The following RSPO2 variants were observed in gnomAD, a reference collection of about 807,000 sequenced individuals.
RSPO2 encodes R-spondin 2.
RSPO2 carries 14 observed loss-of-function variants against 30.9 expected under a neutral mutation model. That is an observed-to-expected ratio of 0.45 (90% CI 0.30 to 0.71). The LOEUF (loss-of-function observed/expected upper bound fraction) is 0.71. Among genes scored for constraint, RSPO2 ranks in the 30% least tolerant of loss-of-function variants. The pLI, the probability that RSPO2 is intolerant of heterozygous loss-of-function variation, is 0.08. For missense variants in RSPO2, 264 were observed against 301.9 expected, an observed-to-expected ratio of 0.87 and a Z score of 0.93; for synonymous variants, 107 against 96.4, an observed-to-expected ratio of 1.11 and a Z score of -0.64.
intron 2 of RSPO2, among the ~76,000 whole-genome samples, chr8:108,006,663 T>C (rs1319149250): frequency 6.6e-6 from 1 of 152,066 alleles, no homozygotes; most frequent in Non-Finnish European, 1.5e-5. Flanking sequence ...ATTTTCAATA[T>C]GTTGGGAAAA....
chr8:108,037,599 T>C (rs1811636475), intron 2 of RSPO2, among the ~76,000 whole-genome samples: 1 of 152,216 alleles, frequency 6.6e-6, no homozygotes, highest in African/African-American at 2.4e-5. Context: ...AAAAGCCTGC[T>C]ACTGGGAGAA....
At chr8:108,000,568 A>G (rs1815208651) in intron 2 of RSPO2, among the ~76,000 whole-genome samples, 1 of 152,072 alleles carries the variant, frequency 6.6e-6, no homozygotes, top group Non-Finnish European at 1.5e-5. Context: ...TCATAGGCTT[A>G]GCACCACAGA....
chr8:107,979,596 T>C (rs1814350353), intron 3 of RSPO2, among the ~76,000 whole-genome samples: 1 of 151,812 alleles, frequency 6.6e-6, no homozygotes, highest in Non-Finnish European at 1.5e-5. Flanking sequence ...AGTTAATGGG[T>C]GCAGCACAAC....
At chr8:108,005,158 G>T (rs1479031239) in intron 2 of RSPO2, among the ~76,000 whole-genome samples, 1 of 152,136 alleles carries the variant, frequency 6.6e-6, no homozygotes, top group Non-Finnish European at 1.5e-5. Context: ...GGGGGATAAT[G>T]TATGAAGTGA....
At position 108,081,048 on chromosome 8, in the gene RSPO2, C is replaced by G. The variant is rs189977475; in HGVS notation, c.94+1497G>C. 8.5e-4 allele frequency among the ~76,000 whole-genome samples: 129 copies of G among 152,162 alleles called. 1 individual carries two copies. Among genetic ancestry groups the G allele is most frequent in the Non-Finnish European group, 2.1e-4 (14 of 68,016 alleles). ...ATGGCCTTTGGGAAGAAATTTCTCTCTAGTATTTTTAAGTAAAATAATTTC... is the reference window on the plus strand; with the variant it reads ...ATGGCCTTTGGGAAGAAATTTCTCTGTAGTATTTTTAAGTAAAATAATTTC... On this transcript the variant is annotated intron_variant, in intron 2 of 5. Coordinates refer to ENST00000276659, the MANE Select transcript of RSPO2 (RefSeq NM_178565.5).
chr8:108,000,129 A>G lies in RSPO2; in HGVS notation c.95-10885T>C, dbSNP rs188549899. Among the ~76,000 whole-genome samples the G allele has an allele frequency of 9.2e-5, 14 of 152,324 alleles. No individual in the cohort carries two copies. The East Asian group carries it at 1.5e-3, about 17-fold the overall frequency. On this transcript the variant is annotated intron_variant, in intron 2 of 5. Transcript: ENST00000276659. The stretch of plus-strand genomic sequence containing the variant: ...CGATGAACTGAGGTATGGTTGCAAA[A>G]TAAATGTGGAGTCTTAGGTGGTTCT...
intron 5 of RSPO2, among the ~76,000 whole-genome samples, chr8:107,947,362 T>C (rs1813098009): frequency 1.3e-5 from 2 of 152,154 alleles, no homozygotes; most frequent in African/African-American, 4.8e-5. Context: ...AAATGGCAGA[T>C]GAAAGTAGTA....
At chr8:108,040,708 T>C (rs568013272) in intron 2 of RSPO2, among the ~76,000 whole-genome samples, 1 of 152,202 alleles carries the variant, frequency 6.6e-6, no homozygotes, top group Non-Finnish European at 1.5e-5. Flanking sequence ...GGCTGACAAA[T>C]ACAGAGGAAA....
At chr8:107,981,353 C>G (rs190890339) in intron 3 of RSPO2, among the ~76,000 whole-genome samples, 15 of 152,066 alleles carry the variant, frequency 9.9e-5, no homozygotes, top group Non-Finnish European at 1.5e-4. Context: ...ACTTCATCTC[C>G]ATTAAAAATA....
At chr8:108,066,372 C>T (rs1226773032) in intron 2 of RSPO2, among the ~76,000 whole-genome samples, 1 of 152,174 alleles carries the variant, frequency 6.6e-6, no homozygotes, top group Non-Finnish European at 1.5e-5. Flanking sequence ...TAACAGAAAA[C>T]ATTATCAGAA....
chr8:108,032,242 T>G (rs889031023), intron 2 of RSPO2, among the ~76,000 whole-genome samples: 6 of 152,114 alleles, frequency 3.9e-5, no homozygotes, highest in Admixed American at 2.0e-4. Context: ...ATCTATTGAG[T>G]CTACCAAATT....
intron 5 of RSPO2, among the ~76,000 whole-genome samples, chr8:107,909,933 C>T (rs1811769506): frequency 1.3e-5 from 2 of 152,152 alleles, no homozygotes; most frequent in Admixed American, 1.3e-4. Context: ...AAGGTAAGGA[C>T]TCAAACTGTG....
At chr8:108,052,949 G>T (rs1017376186) in intron 2 of RSPO2, among the ~76,000 whole-genome samples, 1 of 152,108 alleles carries the variant, frequency 6.6e-6, no homozygotes, top group African/African-American at 2.4e-5. Flanking sequence ...GTGCCTTTAA[G>T]TTATCTCTCT....
intron 5 of RSPO2, among the ~76,000 whole-genome samples, chr8:107,903,935 C>G (rs1811555688): frequency 6.6e-6 from 1 of 151,962 alleles, no homozygotes; most frequent in Non-Finnish European, 1.5e-5. Context: ...AAGCCCAGCT[C>G]AAAGTAGCAA....
chr8:107,988,542 TATGTGG>T (rs1814730737), intron 3 of RSPO2, among the ~76,000 whole-genome samples: 1 of 152,176 alleles, frequency 6.6e-6, no homozygotes, highest in Non-Finnish European at 1.5e-5. Context: ...ATAAAGTGTG[TATGTGG>T]AATTGTGTCT....
rs544153280 is a variant in RSPO2 at position 108,029,032 on chromosome 8, T to TTGGGTAAC, written c.95-39796_95-39789dup. On this transcript the variant is annotated intron_variant, in intron 2 of 5. Transcript: ENST00000276659. ...TGGTACTTACTAGAGCAGGGTAAACTTGGGTAACTGTTAACATGAGTCTTT... is the reference window on the plus strand; with the variant it reads ...TGGTACTTACTAGAGCAGGGTAAACTTGGGTAACTGGGTAACTGTTAACATGAGTCTTT... Among the ~76,000 whole-genome samples, 411 of 138,760 alleles carry TTGGGTAAC rather than the reference T, an allele frequency of 3.0e-3. 6 individuals are homozygous for TTGGGTAAC. Among genetic ancestry groups the TTGGGTAAC allele is most frequent in the African/African-American group, 0.01 (392 of 37,974 alleles). The allele number at this position is 138,760 out of a possible 152,430, so 91.0% of individuals were successfully genotyped here.
chr8:107,958,238 C>G lies in RSPO2; in HGVS notation c.458G>C (p.Trp153Ser), dbSNP rs1252075737. Residue 153 changes from tryptophan (W) to serine (S), a missense_variant, in exon 5 of 6, where the codon TGG (tryptophan) becomes TCG (serine). Physicochemically the swap from Trp to Ser is radical, Grantham distance 177. Coordinates refer to ENST00000276659, the MANE Select transcript of RSPO2 (RefSeq NM_178565.5). ...EGCEVGHWSE[W>S]GTCSRNNRTC... Reference sequence around the variant, plus strand: ...GCGATTATTTCTGCTACAAGTTCCCCATTCGCTCCAATGACCAACTTCACA... The same window carrying G: ...GCGATTATTTCTGCTACAAGTTCCCGATTCGCTCCAATGACCAACTTCACA... 1 of 1,613,592 alleles carries G rather than the reference C, an allele frequency of 6.2e-7. No individual in the cohort carries two copies. Among genetic ancestry groups the G allele is most frequent in the African/African-American group, 1.3e-5 (1 of 74,870 alleles).
At chr8:107,979,539 C>T (rs184443947) in intron 3 of RSPO2, among the ~76,000 whole-genome samples, 5 of 151,812 alleles carry the variant, frequency 3.3e-5, no homozygotes, top group East Asian at 3.9e-4. Flanking sequence ...TGTGGGGTAG[C>T]GGGAAGGGGG....
At chr8:108,001,697 G>A (rs1815253373) in intron 2 of RSPO2, among the ~76,000 whole-genome samples, 1 of 152,036 alleles carries the variant, frequency 6.6e-6, no homozygotes, top group African/African-American at 2.4e-5. Context: ...TGAAACAAGG[G>A]AAGAATCACA....
Sources: allele counts gnomAD v4.1 joint callset (sites outside exome capture counted in the v4.1 genomes callset), GRCh38; gene constraint gnomAD v4.1.1; transcripts MANE v1.5; gene names NCBI Gene and HGNC (gene_info 2026-07-23, HGNC 2026-07-21).